Variants in PIP5K1C observed in about 807,000 individuals in gnomAD.
PIP5K1C encodes phosphatidylinositol 4-phosphate 5-kinase type-1 gamma.
PIP5K1C carries 45 observed loss-of-function variants against 80.1 expected under a neutral mutation model. The observed-to-expected ratio is 0.56, with a 90% CI of 0.44 to 0.72. The LOEUF (loss-of-function observed/expected upper bound fraction) is 0.72, where lower values mean the gene tolerates loss of function less well. PIP5K1C is among the 30% of genes least tolerant of loss of function. The pLI is 0.00. For missense variants in PIP5K1C, 753 were observed against 954.6 expected (o/e 0.79, Z 2.78); for synonymous variants, 498 against 420.1 (o/e 1.19, Z -2.27).
At chr19:3,642,847 G>C (rs1158017991) in intron 14 of PIP5K1C, 60 bp downstream of exon 14, 1 of 1,402,592 alleles carries the variant, frequency 7.1e-7, no homozygotes, top group Non-Finnish European at 1.0e-6. Context: ...GGGAAACGGA[G>C]CTGGGAGCTG....
In PIP5K1C at chr19:3,651,809, G is replaced by GC. The variant is rs776652470; in HGVS notation, c.1127+16dup. The GC allele has an allele frequency of 8.1e-6, 13 of 1,607,344 alleles. No individual in the cohort carries two copies. The East Asian group carries it at 1.1e-4, about 14-fold the overall frequency. ...GAAGGGAAGCGGGACGGGTCCGGCG[G>GC]CCCCCCGCCCACCTACGTGTCATCC... On this transcript the variant is annotated intron_variant, in intron 8 of 17. Coordinates refer to ENST00000335312, the MANE Select transcript of PIP5K1C (RefSeq NM_012398.3).
rs552698100 is a variant in PIP5K1C at position 3,637,516 on chromosome 19, G to A, written c.1920+1368C>T. ...GGGCACTGCCCCTTCTCCCCAGGGT[G>A]GCCGGCTGCGGTCACTTACAGTCCC... On this transcript the variant is annotated intron_variant, in intron 16 of 17. Coordinates refer to ENST00000335312, the MANE Select transcript of PIP5K1C (RefSeq NM_012398.3). This position sits in a 1 kb window ranked among gnomAD's most constrained non-coding sequence, Gnocchi z 7.0. 77 of 1,535,604 alleles carry A rather than the reference G, an allele frequency of 5.0e-5. No homozygotes were observed. The highest frequency in any genetic ancestry group is 6.3e-5 in the Non-Finnish European group (72 of 1,146,766).
chr19:3,678,299 T>TGGAGGGACGGAGGGAG (rs2035458788), intron 1 of PIP5K1C, among the ~76,000 whole-genome samples: 2 of 65,862 alleles, frequency 3.0e-5, no homozygotes, highest in Non-Finnish European at 3.0e-5. Context: ...GATGGAGGGA[T>TGGAGGGACGGAGGGAG]GGAGGGACGG....
At chr19:3,699,182 C>T (rs1189623911) in intron 1 of PIP5K1C, among the ~76,000 whole-genome samples, 6 of 152,070 alleles carry the variant, frequency 3.9e-5, no homozygotes, top group Admixed American at 3.3e-4. Context: ...TGCCTGGGTT[C>T]CTCCACCATG....
At chr19:3,633,556 G>A (rs1304132207) in intron 16 of PIP5K1C, 36 bp from the exon 17 acceptor site, 3 of 1,423,274 alleles carry the variant, frequency 2.1e-6, no homozygotes, top group Non-Finnish European at 1.9e-6. Flanking sequence ...GGGCGCGGAA[G>A]AGCAGGGTGC....
intron 1 of PIP5K1C, among the ~76,000 whole-genome samples, chr19:3,678,668 A>C: frequency 9.6e-6 from 1 of 104,432 alleles, no homozygotes; most frequent in Non-Finnish European, 1.9e-5. Flanking sequence ...GGCGAGATGG[A>C]GGGATGGCGA....
intron 8 of PIP5K1C, among the ~76,000 whole-genome samples, chr19:3,651,337 T>C (rs1338223130): frequency 6.6e-6 from 1 of 152,170 alleles, no homozygotes; most frequent in Non-Finnish European, 1.5e-5. Context: ...AGTACAGGCA[T>C]GAGACACTGC....
Position 3,637,377 on chromosome 19 carries a change from G to A in PIP5K1C, c.1920+1507C>T. The stretch of plus-strand genomic sequence containing the variant: ...CATGCAGCCCAGCGCCTGGTCCGGG[G>A]CCAGCGTGGCTGACCTCAATTGCAG... On this transcript the variant is annotated intron_variant, in intron 16 of 17. Coordinates refer to ENST00000335312, the MANE Select transcript of PIP5K1C (RefSeq NM_012398.3). The surrounding 1 kb of genome is among the most constrained non-coding windows in gnomAD (Gnocchi z 7.0). The A allele has an allele frequency of 6.5e-7, 1 of 1,535,476 alleles. No individual in the cohort carries two copies.
At chr19:3,674,713 G>A (rs1045052275) in intron 1 of PIP5K1C, among the ~76,000 whole-genome samples, 3 of 152,246 alleles carry the variant, frequency 2.0e-5, no homozygotes, top group Non-Finnish European at 2.9e-5. Context: ...GTGTTACCCA[G>A]GATGGTCTCA....
intron 1 of PIP5K1C, among the ~76,000 whole-genome samples, chr19:3,694,861 C>T (rs73919329): frequency 4.6e-5 from 7 of 152,242 alleles, no homozygotes; most frequent in East Asian, 3.9e-4. Context: ...CACTCATCAC[C>T]GCCCAACGCA....
At chr19:3,697,026 G>A (rs1016963503) in intron 1 of PIP5K1C, among the ~76,000 whole-genome samples, 31 of 151,472 alleles carry the variant, frequency 2.0e-4, no homozygotes, top group Admixed American at 5.3e-4. Flanking sequence ...GAGGAGGACC[G>A]AGCTGGACAA....
intron 8 of PIP5K1C, among the ~76,000 whole-genome samples, chr19:3,650,635 C>G (rs182231491): frequency 6.6e-6 from 1 of 152,372 alleles, no homozygotes; most frequent in Admixed American, 6.5e-5. Context: ...CCAGCCAAAC[C>G]CTGAGCCCTG....
chr19:3,636,435 C>T, intron 16 of PIP5K1C: 1 of 985,456 alleles, frequency 1.0e-6, no homozygotes, highest in Non-Finnish European at 1.2e-6. Context: ...CCACCCTCCC[C>T]ACGTCTGCCC....
At chr19:3,695,731 T>A (rs1327060896) in intron 1 of PIP5K1C, among the ~76,000 whole-genome samples, 1 of 144,060 alleles carries the variant, frequency 6.9e-6, no homozygotes, top group African/African-American at 2.5e-5. Flanking sequence ...CACTGACCCT[T>A]TTTTTTTTTT....
intron 3 of PIP5K1C, among the ~76,000 whole-genome samples, chr19:3,664,289 C>T (rs982724335): frequency 7.9e-5 from 12 of 152,142 alleles, no homozygotes; most frequent in African/African-American, 1.7e-4. Flanking sequence ...TTAGAGGTGA[C>T]GGCTGCACAA....
chr19:3,698,742 C>T (rs2036201719), intron 1 of PIP5K1C, among the ~76,000 whole-genome samples: 1 of 152,176 alleles, frequency 6.6e-6, no homozygotes, highest in Non-Finnish European at 1.5e-5. Context: ...TATGTGCTCA[C>T]GTCTCTGTGG....
intron 1 of PIP5K1C, among the ~76,000 whole-genome samples, chr19:3,695,648 G>A (rs1307571878): frequency 1.3e-5 from 2 of 152,136 alleles, no homozygotes; most frequent in Non-Finnish European, 2.9e-5. Flanking sequence ...GAGAGAATGG[G>A]GAACTTTCCG....
rs375429303 is a variant in PIP5K1C at position 3,644,254 on chromosome 19, G to A, written c.1346-3C>T. On this transcript the variant is annotated splice_polypyrimidine_tract_variant and splice_region_variant and intron_variant, in intron 11 of 17. Coordinates refer to ENST00000335312, the MANE Select transcript of PIP5K1C (RefSeq NM_012398.3). ...CTTGGAGGGCGAGGACTTCAGGGCT[G>A]CAGGGAAGGGTGGGGGTTGGTGCTT... 11 of 1,611,402 alleles carry A rather than the reference G, an allele frequency of 6.8e-6. No individual in the cohort carries two copies. Among genetic ancestry groups the A allele is most frequent in the Admixed American group, 1.7e-5 (1 of 59,984 alleles).
rs373904192 is a variant in PIP5K1C at position 3,643,237 on chromosome 19, G to C, written c.1649+6C>G. On this transcript the variant is annotated splice_donor_region_variant and intron_variant, in intron 13 of 17. Transcript: ENST00000335312. Reference sequence around the variant, plus strand: ...CGCCCACATGCACTGCGGATGCCTCGCCCACCTGTACCGCGGCTGCTCCGA... The same window carrying C: ...CGCCCACATGCACTGCGGATGCCTCCCCCACCTGTACCGCGGCTGCTCCGA... 1.2e-4 allele frequency: 197 copies of C among 1,612,888 alleles called. 1 individual carries two copies. The highest frequency in any genetic ancestry group is 9.9e-4 in the Middle Eastern group (6 of 6,080).
Sources: allele counts gnomAD v4.1 joint callset (sites outside exome capture counted in the v4.1 genomes callset), GRCh38; gene constraint gnomAD v4.1.1; non-coding constraint Gnocchi (gnomAD v3.1); transcripts MANE v1.5; gene names NCBI Gene and HGNC (gene_info 2026-07-23, HGNC 2026-07-21).